Variants in CNTNAP2 observed in about 807,000 individuals in gnomAD.
CNTNAP2 encodes contactin-associated protein-like 2.
A neutral mutation model predicts 155.2 loss-of-function variants in CNTNAP2; 98 were observed. The ratio of observed to expected loss-of-function variants is 0.63; its 90% CI spans 0.54 to 0.75. The LOEUF is 0.75. Ranked by LOEUF, CNTNAP2 falls within the 30% of genes least tolerant of loss-of-function variation. The pLI is 0.00. For synonymous variants in CNTNAP2, 651 were observed against 631.2 expected (o/e 1.03, Z -0.47); for missense variants, 1,727 against 1,688.1 (o/e 1.02, Z -0.40).
chr7:146,720,628 A>G (rs1244822937), intron 1 of CNTNAP2, among the ~76,000 whole-genome samples: 3 of 151,994 alleles, frequency 2.0e-5, no homozygotes, highest in Non-Finnish European at 4.4e-5. Flanking sequence ...CCAAAATAAA[A>G]AATAGAAATG....
intron 1 of CNTNAP2, among the ~76,000 whole-genome samples, chr7:146,289,278 T>G (rs1201387767): frequency 6.6e-6 from 1 of 152,202 alleles, no homozygotes; most frequent in Non-Finnish European, 1.5e-5. Flanking sequence ...ATTTTATGTT[T>G]ATAAAGCTTT....
intron 3 of CNTNAP2, among the ~76,000 whole-genome samples, chr7:146,912,844 T>G (rs1388836024): frequency 6.6e-6 from 1 of 152,176 alleles, no homozygotes; most frequent in Non-Finnish European, 1.5e-5. Context: ...TTTAGAATAT[T>G]GTTGCCTCTT....
At chr7:146,300,512 C>A (rs1196897681) in intron 1 of CNTNAP2, among the ~76,000 whole-genome samples, 15 of 151,948 alleles carry the variant, frequency 9.9e-5, no homozygotes, top group Admixed American at 9.8e-4. Flanking sequence ...CTAAAAACAG[C>A]CAGACTTAAG....
intron 1 of CNTNAP2, among the ~76,000 whole-genome samples, chr7:146,316,399 C>T (rs1023498512): frequency 6.6e-6 from 1 of 152,094 alleles, no homozygotes; most frequent in Non-Finnish European, 1.5e-5. Flanking sequence ...ATGCTGAACC[C>T]TGCAGTCTTG....
At chr7:146,150,445 A>C (rs1415264515) in intron 1 of CNTNAP2, among the ~76,000 whole-genome samples, 1 of 152,146 alleles carries the variant, frequency 6.6e-6, no homozygotes, top group Non-Finnish European at 1.5e-5. Context: ...AGGACTTGTA[A>C]AAATATGTTT....
intron 1 of CNTNAP2, among the ~76,000 whole-genome samples, chr7:146,227,535 T>G (rs879868767): frequency 3.9e-5 from 6 of 152,190 alleles, no homozygotes; most frequent in Non-Finnish European, 7.3e-5. Context: ...ATTTGCATCT[T>G]CTTTCTTGCA....
At chr7:147,448,234 A>G (rs1386721270) in intron 10 of CNTNAP2, among the ~76,000 whole-genome samples, 1 of 152,098 alleles carries the variant, frequency 6.6e-6, no homozygotes, top group African/African-American at 2.4e-5. Context: ...TGTAGTTTTT[A>G]ATCTTAAAAA....
At chr7:146,686,837 T>G (rs1313818103) in intron 1 of CNTNAP2, among the ~76,000 whole-genome samples, 1 of 152,170 alleles carries the variant, frequency 6.6e-6, no homozygotes, top group Non-Finnish European at 1.5e-5. Context: ...TCAGCAAAGC[T>G]TTGGAACAGA....
At chr7:146,924,294 G>A (rs989701224) in intron 3 of CNTNAP2, among the ~76,000 whole-genome samples, 3 of 151,982 alleles carry the variant, frequency 2.0e-5, no homozygotes, top group Admixed American at 6.6e-5. Flanking sequence ...GGTGTCTAGA[G>A]GTCTAATTCT....
intron 1 of CNTNAP2, among the ~76,000 whole-genome samples, chr7:146,140,012 G>C (rs1009214658): frequency 4.6e-5 from 7 of 152,096 alleles, no homozygotes; most frequent in African/African-American, 1.7e-4. Flanking sequence ...CCCTCTGTTG[G>C]AATATCTTTG....
chr7:147,234,959 G>A (rs762243430), intron 8 of CNTNAP2, among the ~76,000 whole-genome samples: 3 of 152,118 alleles, frequency 2.0e-5, no homozygotes, highest in Non-Finnish European at 2.9e-5. Flanking sequence ...TTAATGTTAT[G>A]TGAACTGAGC....
chr7:146,366,596 A>T (rs932115979), intron 1 of CNTNAP2, among the ~76,000 whole-genome samples: 1 of 151,994 alleles, frequency 6.6e-6, no homozygotes, highest in Non-Finnish European at 1.5e-5. Context: ...GGGATTTAGG[A>T]TATGTGGTCA....
chr7:146,377,753 G>A, intron 1 of CNTNAP2, among the ~76,000 whole-genome samples: 1 of 152,168 alleles, frequency 6.6e-6, no homozygotes. Context: ...TATATTTAGA[G>A]TAAACTTATA....
At chr7:146,497,491 G>A (rs1368835376) in intron 1 of CNTNAP2, among the ~76,000 whole-genome samples, 1 of 151,942 alleles carries the variant, frequency 6.6e-6, no homozygotes, top group South Asian at 2.1e-4. Flanking sequence ...AGAGTTCAAT[G>A]ATTTTAGCCA....
At chr7:147,798,395 G>A (rs76494010) in intron 13 of CNTNAP2, among the ~76,000 whole-genome samples, 5,015 of 152,176 alleles carry the variant, frequency 0.033, 142 homozygotes, top group Non-Finnish European at 0.052. Context: ...CTTAAAAGTA[G>A]GGTAATTTCT....
At chr7:147,540,815 G>C (rs1010313663) in intron 11 of CNTNAP2, among the ~76,000 whole-genome samples, 9 of 142,436 alleles carry the variant, frequency 6.3e-5, no homozygotes, top group Non-Finnish European at 3.1e-5. Context: ...TGGTGACAGA[G>C]CAAGACTCTG....
At chr7:146,316,979 C>T (rs1280153274) in intron 1 of CNTNAP2, among the ~76,000 whole-genome samples, 1 of 152,072 alleles carries the variant, frequency 6.6e-6, no homozygotes, top group East Asian at 1.9e-4. Flanking sequence ...TTACAAATCA[C>T]TCAAACTAAA....
intron 15 of CNTNAP2, among the ~76,000 whole-genome samples, chr7:148,051,656 TAAATA>T (rs1328172999): frequency 1.3e-5 from 2 of 152,010 alleles, no homozygotes; most frequent in Non-Finnish European, 2.9e-5. Context: ...AACAAACAAA[TAAATA>T]AACAGGGATG....
intron 13 of CNTNAP2, among the ~76,000 whole-genome samples, chr7:147,864,944 C>T (rs2116691969): frequency 6.6e-6 from 1 of 152,228 alleles, no homozygotes; most frequent in Non-Finnish European, 1.5e-5. Flanking sequence ...ATTGCCCTGG[C>T]CATAATTCCC....
Sources: allele counts gnomAD v4.1 joint callset (sites outside exome capture counted in the v4.1 genomes callset), GRCh38; gene constraint gnomAD v4.1.1; transcripts MANE v1.5; gene names NCBI Gene and HGNC (gene_info 2026-07-23, HGNC 2026-07-21).